Variants in ZNF804B observed in about 807,000 individuals in gnomAD.
The protein encoded by ZNF804B is zinc finger protein 804B, also known as zinc finger 804B.
Under a neutral mutation model 101.4 loss-of-function variants are expected in ZNF804B, and 80 were observed. The ratio of observed to expected loss-of-function variants is 0.79; its 90% confidence interval spans 0.66 to 0.95. The LOEUF (loss-of-function observed/expected upper bound fraction) is 0.95, where lower values mean the gene tolerates loss of function less well. ZNF804B is among the 40% of genes least tolerant of loss of function. The pLI, the probability that ZNF804B is intolerant of heterozygous loss-of-function variation, is 0.00. For missense variants in ZNF804B, 1,673 were observed against 1,561.9 expected, an observed-to-expected ratio of 1.07 and a Z score of -1.20; for synonymous variants, 622 against 558.8, an observed-to-expected ratio of 1.11 and a Z score of -1.59.
At chr7:88,929,595 GT>G (rs1792852799) in intron 1 of ZNF804B, among the ~76,000 whole-genome samples, 2 of 151,878 alleles carry the variant, frequency 1.3e-5, no homozygotes, top group African/African-American at 2.4e-5. Context: ...CAAGGAATCT[GT>G]CACTTTCTCT....
chr7:89,015,663 A>C (rs569778339), intron 1 of ZNF804B, among the ~76,000 whole-genome samples: 2 of 152,262 alleles, frequency 1.3e-5, no homozygotes, highest in South Asian at 4.1e-4. Flanking sequence ...AAAGGACATG[A>C]ACTCATCATT....
At chr7:88,994,621 G>C (rs1409051913) in intron 1 of ZNF804B, among the ~76,000 whole-genome samples, 1 of 151,938 alleles carries the variant, frequency 6.6e-6, no homozygotes, top group Non-Finnish European at 1.5e-5. Context: ...TTACACTTCA[G>C]TAGTCTTTCA....
chr7:89,141,253 G>T (rs1235647425), intron 1 of ZNF804B, among the ~76,000 whole-genome samples: 1 of 151,994 alleles, frequency 6.6e-6, no homozygotes, highest in Non-Finnish European at 1.5e-5. Context: ...TTTAAATATT[G>T]CAAGAGTTAC....
chr7:88,867,398 C>T (rs752091157), intron 1 of ZNF804B, among the ~76,000 whole-genome samples: 8 of 152,196 alleles, frequency 5.3e-5, no homozygotes, highest in Admixed American at 2.6e-4. Context: ...GACCAGAGAA[C>T]CTGGAGTTTT....
At chr7:89,216,109 G>A (rs1288609165) in intron 1 of ZNF804B, among the ~76,000 whole-genome samples, 1 of 151,926 alleles carries the variant, frequency 6.6e-6, no homozygotes, top group African/African-American at 2.4e-5. Flanking sequence ...TTTGAGACCA[G>A]CCTAGCTAAC....
chr7:88,958,708 C>T (rs1314047279), intron 1 of ZNF804B, among the ~76,000 whole-genome samples: 1 of 151,396 alleles, frequency 6.6e-6, no homozygotes, highest in African/African-American at 2.4e-5. Context: ...GATTTAATGT[C>T]ACATCGAAGA....
At position 88,948,876 on chromosome 7, in the gene ZNF804B, A is replaced by G. The variant is rs553143982; in HGVS notation, c.108+188792A>G. ...GCTTTTTGAGTCCTGTTTAGGAAAT[A>G]TTTTTCTAGTCCGCGATCACAGAAG... On this transcript the variant is annotated intron_variant, in intron 1 of 3. Coordinates refer to ENST00000333190, the MANE Select transcript of ZNF804B (RefSeq NM_181646.5). 4.0e-5 allele frequency among the ~76,000 whole-genome samples: 6 copies of G among 151,888 alleles called. No individual in the cohort carries two copies. In the South Asian group the frequency reaches 1.2e-3, roughly 31 times the overall value.
At chr7:89,189,166 T>G (rs1290483452) in intron 1 of ZNF804B, among the ~76,000 whole-genome samples, 1 of 152,182 alleles carries the variant, frequency 6.6e-6, no homozygotes, top group African/African-American at 2.4e-5. Context: ...ATTCTGACTG[T>G]GCTCTATAAA....
At chr7:89,259,704 G>T (rs1789683075) in intron 2 of ZNF804B, among the ~76,000 whole-genome samples, 1 of 152,140 alleles carries the variant, frequency 6.6e-6, no homozygotes, top group Non-Finnish European at 1.5e-5. Context: ...GCAAAAGAAT[G>T]TTAGAAAGGC....
At chr7:89,064,057 A>C (rs1304697972) in intron 1 of ZNF804B, among the ~76,000 whole-genome samples, 1 of 152,182 alleles carries the variant, frequency 6.6e-6, no homozygotes, top group Admixed American at 6.6e-5. Context: ...TTTAGCGTTC[A>C]GAATATTTAT....
intron 1 of ZNF804B, among the ~76,000 whole-genome samples, chr7:88,767,763 C>T (rs149073473): frequency 2.0e-5 from 3 of 152,324 alleles, no homozygotes; most frequent in East Asian, 3.9e-4. Context: ...ACTGTGTATC[C>T]GTCCACATGA....
intron 1 of ZNF804B, among the ~76,000 whole-genome samples, chr7:88,973,928 A>G (rs1793573971): frequency 6.6e-6 from 1 of 151,310 alleles, no homozygotes; most frequent in Non-Finnish European, 1.5e-5. Context: ...TTCTTATGAG[A>G]AAATAGTGAG....
intron 1 of ZNF804B, among the ~76,000 whole-genome samples, chr7:88,816,460 A>G: frequency 6.6e-6 from 1 of 152,214 alleles, no homozygotes; most frequent in Admixed American, 6.5e-5. Flanking sequence ...ACAGAATGGG[A>G]GAACATTTTT....
At chr7:89,038,375 A>C (rs548541435) in intron 1 of ZNF804B, among the ~76,000 whole-genome samples, 1 of 152,262 alleles carries the variant, frequency 6.6e-6, no homozygotes, top group East Asian at 1.9e-4. Flanking sequence ...GTGAGGTGAT[A>C]TCTCATTGTG....
At chr7:88,939,767 T>TA (rs956798325) in intron 1 of ZNF804B, among the ~76,000 whole-genome samples, 88 of 138,988 alleles carry the variant, frequency 6.3e-4, no homozygotes, top group South Asian at 2.5e-3. Flanking sequence ...AGTGATCTAA[T>TA]AAAAAAAAAA....
At chr7:88,792,370 C>G (rs1448693621) in intron 1 of ZNF804B, among the ~76,000 whole-genome samples, 1 of 152,034 alleles carries the variant, frequency 6.6e-6, no homozygotes, top group African/African-American at 2.4e-5. Flanking sequence ...AAAATTCAAA[C>G]TTCTATTCAC....
chr7:88,827,704 T>A (rs903319561), intron 1 of ZNF804B, among the ~76,000 whole-genome samples: 3 of 152,072 alleles, frequency 2.0e-5, no homozygotes, highest in Non-Finnish European at 4.4e-5. Flanking sequence ...TTCCCTCCAC[T>A]CTGAAAACCA....
chr7:89,119,493 A>C (rs1790366022), intron 1 of ZNF804B, among the ~76,000 whole-genome samples: 1 of 152,152 alleles, frequency 6.6e-6, no homozygotes, highest in Non-Finnish European at 1.5e-5. Context: ...TGAAATATTA[A>C]TTTGCTTTGC....
chr7:88,874,528 A>G (rs1280529017), intron 1 of ZNF804B, among the ~76,000 whole-genome samples: 1 of 152,046 alleles, frequency 6.6e-6, no homozygotes, highest in East Asian at 1.9e-4. Context: ...GTGGTGAGAG[A>G]GAGCATCCCT....
Sources: gnomAD v4.1 joint callset for allele counts (sites outside exome capture counted in the v4.1 genomes callset) on GRCh38, gnomAD v4.1.1 for gene constraint, MANE v1.5 for transcripts, NCBI Gene and HGNC (gene_info 2026-07-23, HGNC 2026-07-21) for gene names.